SPEN: variants seen among roughly 807,000 people sequenced by gnomAD.
SPEN encodes msx2-interacting protein.
Under a neutral mutation model 269.9 loss-of-function variants are expected in SPEN, and 18 were observed. The observed-to-expected ratio is 0.07, with a 90% CI of 0.05 to 0.10. The LOEUF (loss-of-function observed/expected upper bound fraction) is 0.10. SPEN is among the 10% of genes least tolerant of loss of function. SPEN has a pLI of 1.00. For missense variants in SPEN, 3,822 were observed against 4,631.2 expected (o/e 0.83, Z 5.07); for synonymous variants, 1,726 against 1,765.7 (o/e 0.98, Z 0.56).
At chr1:15,901,181 C>T (rs1197937300) in intron 3 of SPEN, among the ~76,000 whole-genome samples, 15 of 148,538 alleles carry the variant, frequency 1.0e-4, no homozygotes, top group Admixed American at 9.4e-4. Flanking sequence ...AGTAATACCT[C>T]GTCCCTTAAA....
At chr1:15,899,048 CAT>C (rs2148722988) in intron 3 of SPEN, among the ~76,000 whole-genome samples, 1 of 152,188 alleles carries the variant, frequency 6.6e-6, no homozygotes, top group African/African-American at 2.4e-5. Context: ...GGTATATAAC[CAT>C]AGTGGAATCG....
chr1:15,882,331 C>T (rs556263841), intron 3 of SPEN, among the ~76,000 whole-genome samples: 42 of 152,016 alleles, frequency 2.8e-4, no homozygotes, highest in African/African-American at 9.9e-4. Flanking sequence ...CTATAGTTCC[C>T]TATTATTGGA....
intron 3 of SPEN, among the ~76,000 whole-genome samples, chr1:15,894,536 G>GGTTTTTTTTTTTTT (rs1553177206): frequency 2.0e-5 from 2 of 100,384 alleles, no homozygotes; most frequent in African/African-American, 8.4e-5. Flanking sequence ...TATTATGGTT[G>GGTTTTTTTTTTTTT]TTTTTTTTTT....
chr1:15,864,516 C>T (rs566969864), intron 1 of SPEN, among the ~76,000 whole-genome samples: 1 of 139,208 alleles, frequency 7.2e-6, no homozygotes, highest in South Asian at 2.4e-4. Context: ...TTGTAGTAAG[C>T]AATTTTGTAC....
rs373142986 is a variant in SPEN, at chr1:15,935,306, T to A, written c.9066T>A (p.Asp3022Glu). The change falls in exon 11 of 15, where the codon GAT (aspartate) becomes GAA (glutamate). Residue 3022 changes from aspartate (D) to glutamate (E), a missense_variant. Asp to Glu is a conservative substitution (Grantham distance 45, BLOSUM62 2). Transcript: ENST00000375759. The surrounding 1 kb of genome is among the most constrained non-coding windows in gnomAD (Gnocchi z 7.7). ...CCCATTTGGCAGCTGCAAAGCTAGA[T>A]GCTCATTCTCCTCGACCAAGTGGAC... ...TVSHLAAAKLDAHSPRPSGPG... is the reference protein window; with the variant it reads ...TVSHLAAAKLEAHSPRPSGPG... 6.2e-7 allele frequency: 1 copy of A among 1,613,996 alleles called. No homozygotes were observed. The highest frequency in any genetic ancestry group is 1.7e-5 in the Admixed American group (1 of 59,998).
intron 3 of SPEN, among the ~76,000 whole-genome samples, chr1:15,907,008 G>A (rs559211023): frequency 6.6e-6 from 1 of 151,988 alleles, no homozygotes; most frequent in African/African-American, 2.4e-5. Context: ...TGAACTCCTG[G>A]CCTCAAGCAG....
intron 1 of SPEN, among the ~76,000 whole-genome samples, chr1:15,863,814 C>G (rs2070470772): frequency 6.6e-6 from 1 of 152,160 alleles, no homozygotes; most frequent in Non-Finnish European, 1.5e-5. Context: ...GCACTCCAGC[C>G]TGGGCAACAG....
At position 15,919,454 on chromosome 1, in the gene SPEN, T is replaced by G. The variant is rs1570047375; in HGVS notation, c.1572T>G (p.Leu524=). ...MPTNCVWLDG[L]SSNVSDQYLT... ...CAAACTGCGTGTGGCTAGATGGGCT[T>G]TCTTCGAATGTGTCAGATCAGTATT... is the stretch of plus-strand genomic sequence containing the variant. The change falls in exon 8 of 15, where the codon CTT becomes CTG. Residue 524 remains leucine, a synonymous_variant. Coordinates refer to ENST00000375759, the MANE Select transcript of SPEN (RefSeq NM_015001.3). 6.2e-7 allele frequency: 1 copy of G among 1,609,118 alleles called. No homozygotes were observed. The highest frequency in any genetic ancestry group is 1.1e-5 in the South Asian group (1 of 89,878).
chr1:15,886,238 C>T (rs1324577078), intron 3 of SPEN, among the ~76,000 whole-genome samples: 1 of 152,118 alleles, frequency 6.6e-6, no homozygotes, highest in African/African-American at 2.4e-5. Flanking sequence ...GGGAACCTTG[C>T]TTTTAGTTAG....
rs1219934670 is a variant in SPEN, at chr1:15,910,117, C to CT, written c.1042+637dup. ...CCAGCCTGGGCGACAGAGCGAGACT[C>CT]TGTCTCTAAAAAAAAAAAAAAAAAA... On this transcript the variant is annotated intron_variant, in intron 4 of 14. Coordinates refer to ENST00000375759, the MANE Select transcript of SPEN (RefSeq NM_015001.3). Among the ~76,000 whole-genome samples the CT allele has an allele frequency of 2.6e-5, 3 of 114,792 alleles. No homozygotes were observed. In the Admixed American group the frequency reaches 3.4e-4, roughly 13 times the overall value. The allele number at this position is 114,792 out of a possible 152,430, so 75.3% of individuals were successfully genotyped here.
chr1:15,933,929 T>G lies in SPEN; in HGVS notation c.7689T>G (p.Ser2563Arg). The change falls in exon 11 of 15, where the codon AGT (serine) becomes AGG (arginine). Residue 2563 changes from serine (S) to arginine (R), a missense_variant. This residue lies in a region of SPEN where 727 missense variants were observed against 737.9 expected (regional missense o/e 0.99). Transcript: ENST00000375759. The surrounding 1 kb of genome is among the most constrained non-coding windows in gnomAD (Gnocchi z 5.7). ...SVTTAIAEPV[S>R]AAPCLHEAPP... Reference sequence around the variant, plus strand: ...CCACAGCCATTGCAGAGCCTGTCAGTGCTGCCCCTTGCCTACATGAGGCCC... The same window carrying G: ...CCACAGCCATTGCAGAGCCTGTCAGGGCTGCCCCTTGCCTACATGAGGCCC... 6.2e-7 allele frequency: 1 copy of G among 1,614,066 alleles called. No individual in the cohort carries two copies. The highest frequency in any genetic ancestry group is 8.5e-7 in the Non-Finnish European group (1 of 1,179,996).
At chr1:15,863,237 G>A (rs968035493) in intron 1 of SPEN, among the ~76,000 whole-genome samples, 8 of 151,884 alleles carry the variant, frequency 5.3e-5, no homozygotes, top group East Asian at 1.9e-4. Context: ...TGACAGTGAC[G>A]CTGTCTCAGA....
intron 3 of SPEN, among the ~76,000 whole-genome samples, chr1:15,906,107 A>T (rs2070952823): frequency 6.6e-6 from 1 of 152,140 alleles, no homozygotes; most frequent in African/African-American, 2.4e-5. Context: ...TATTACTTGG[A>T]GTATTTAACA....
rs181080249 is a variant in SPEN, at chr1:15,883,675, T to C, written c.881+6997T>C. Among the ~76,000 whole-genome samples the C allele has an allele frequency of 3.3e-5, 5 of 152,306 alleles. No individual in the cohort carries two copies. In the East Asian group the frequency reaches 9.6e-4, roughly 29 times the overall value. ...TAATTGAAAGGGAAATGAAAGTATTTCTTATTACTGATGGTATTCTTTGCA... is the reference window on the plus strand; with the variant it reads ...TAATTGAAAGGGAAATGAAAGTATTCCTTATTACTGATGGTATTCTTTGCA... On this transcript the variant is annotated intron_variant, in intron 3 of 14. Transcript: ENST00000375759.
At chr1:15,925,858 A>G (rs1196932944) in intron 10 of SPEN, among the ~76,000 whole-genome samples, 1 of 152,216 alleles carries the variant, frequency 6.6e-6, no homozygotes, top group African/African-American at 2.4e-5. Context: ...TAATATTAGA[A>G]GGTATATAAT....
At chr1:15,891,050 T>C (rs1467173910) in intron 3 of SPEN, among the ~76,000 whole-genome samples, 1 of 152,198 alleles carries the variant, frequency 6.6e-6, no homozygotes, top group Non-Finnish European at 1.5e-5. Flanking sequence ...TAAACCAGCA[T>C]ATCATCCTTC....
In SPEN at chr1:15,931,256, G is replaced by A; in HGVS notation, c.5016G>A (p.Lys1672=). Residue 1672 remains lysine, a synonymous_variant, in exon 11 of 15, where the codon AAG becomes AAA. Coordinates refer to ENST00000375759, the MANE Select transcript of SPEN (RefSeq NM_015001.3). This position sits in a 1 kb window ranked among gnomAD's most constrained non-coding sequence, Gnocchi z 4.8. The part of the protein sequence containing the change: ...TVEAPLVTEE[K]TVEPATVSEE... Reference sequence around the variant, plus strand: ...AGGCGCCTTTGGTAACAGAAGAGAAGACTGTGGAGCCAGCTACCGTCTCAG... The same window carrying A: ...AGGCGCCTTTGGTAACAGAAGAGAAAACTGTGGAGCCAGCTACCGTCTCAG... 1 of 1,614,202 alleles carries A rather than the reference G, an allele frequency of 6.2e-7. No individual in the cohort carries two copies. Among genetic ancestry groups the A allele is most frequent in the Non-Finnish European group, 8.5e-7 (1 of 1,180,042 alleles).
rs558776303 is a variant in SPEN, at chr1:15,899,477, G to A, written c.882-9844G>A. Among the ~76,000 whole-genome samples the A allele has an allele frequency of 3.0e-3, 459 of 151,630 alleles. 6 individuals are homozygous for A. The highest frequency in any genetic ancestry group is 0.011 in the African/African-American group (447 of 41,378). On this transcript the variant is annotated intron_variant, in intron 3 of 14. Transcript: ENST00000375759. Reference sequence around the variant, plus strand: ...TTACAGGCGTGAGCCACTGCGCTCGGCAGTTTGTTTTTAATAATAGCCATC... The same window carrying A: ...TTACAGGCGTGAGCCACTGCGCTCGACAGTTTGTTTTTAATAATAGCCATC...
At chr1:15,871,989 C>CTT (rs1425150317) in intron 1 of SPEN, among the ~76,000 whole-genome samples, 1 of 151,936 alleles carries the variant, frequency 6.6e-6, no homozygotes, top group Admixed American at 6.6e-5. Flanking sequence ...AATCCCAGCA[C>CTT]TTTGGGAAGC....
Sources: gnomAD v4.1 joint callset for allele counts (sites outside exome capture counted in the v4.1 genomes callset) on GRCh38, gnomAD v4.1.1 for gene constraint, gnomAD v4.1.1 regional missense constraint, Gnocchi (gnomAD v3.1) non-coding constraint, MANE v1.5 for transcripts, NCBI Gene and HGNC (gene_info 2026-07-23, HGNC 2026-07-21) for gene names.